ROBO2: variants seen among roughly 807,000 people sequenced by gnomAD.
The protein encoded by ROBO2 is roundabout guidance receptor 2, also known as roundabout homolog 2.
In ROBO2, 53 loss-of-function variants were observed where a neutral mutation model predicts 160.8. The observed-to-expected ratio is 0.33, with a 90% CI of 0.26 to 0.41. The LOEUF is 0.41. ROBO2 is among the 10% of genes least tolerant of loss of function. The pLI is 1.00. For missense variants in ROBO2, 1,577 were observed against 1,722.4 expected (o/e 0.92, Z 1.49); for synonymous variants, 664 against 611.7 (o/e 1.09, Z -1.26).
At chr3:77,646,531 C>T (rs1332055403) in exon 26 of ROBO2, 1 of 152,832 alleles carries the variant, frequency 6.5e-6, no homozygotes, top group Admixed American at 6.5e-5. Flanking sequence ...CTCTACTCCT[C>T]ATGACATGAA....
chr3:76,279,263 T>A (rs545307514), intron 2 of ROBO2, among the ~76,000 whole-genome samples: 7 of 151,832 alleles, frequency 4.6e-5, no homozygotes, highest in Non-Finnish European at 8.8e-5. Context: ...TAGGTAAGAT[T>A]TTTTTTAAAA....
intron 2 of ROBO2, among the ~76,000 whole-genome samples, chr3:75,954,425 T>C (rs1365499889): frequency 6.6e-6 from 1 of 151,826 alleles, no homozygotes; most frequent in Non-Finnish European, 1.5e-5. Flanking sequence ...TGAATGGGTC[T>C]CCTCTTTCTC....
intron 2 of ROBO2, among the ~76,000 whole-genome samples, chr3:76,200,722 C>A (rs1488786636): frequency 1.3e-5 from 2 of 152,086 alleles, no homozygotes; most frequent in Non-Finnish European, 2.9e-5. Context: ...AATGGAGGAC[C>A]AGATTATCCT....
chr3:76,771,448 GT>G (rs1316167159), intron 2 of ROBO2, among the ~76,000 whole-genome samples: 2 of 150,990 alleles, frequency 1.3e-5, no homozygotes, highest in Admixed American at 1.3e-4. Flanking sequence ...TTCTTCCTAT[GT>G]TTTAAATTCT....
chr3:77,277,940 T>A (rs1258387847), intron 2 of ROBO2, among the ~76,000 whole-genome samples: 1 of 142,026 alleles, frequency 7.0e-6, no homozygotes, highest in Non-Finnish European at 1.6e-5. Context: ...TAAAAACATT[T>A]CTTTTTCTCT....
At chr3:76,629,748 C>A (rs2089908773) in intron 2 of ROBO2, among the ~76,000 whole-genome samples, 3 of 152,146 alleles carry the variant, frequency 2.0e-5, no homozygotes, top group Admixed American at 1.3e-4. Context: ...TCACACCAGT[C>A]TTTAGTAAAT....
intron 2 of ROBO2, among the ~76,000 whole-genome samples, chr3:77,000,891 A>G (rs2061302706): frequency 6.6e-6 from 1 of 152,200 alleles, no homozygotes; most frequent in African/African-American, 2.4e-5. Flanking sequence ...ACATTTATAA[A>G]ATCTGAATAA....
At chr3:76,912,696 T>G (rs1483172568) in intron 2 of ROBO2, among the ~76,000 whole-genome samples, 1 of 152,186 alleles carries the variant, frequency 6.6e-6, no homozygotes, top group African/African-American at 2.4e-5. Flanking sequence ...AATTTCATAA[T>G]TGTTTCATAA....
At chr3:77,451,117 A>T (rs2081070571) in intron 2 of ROBO2, among the ~76,000 whole-genome samples, 1 of 152,138 alleles carries the variant, frequency 6.6e-6, no homozygotes, top group Non-Finnish European at 1.5e-5. Context: ...GAATCAGAAC[A>T]TACGCTATGT....
intron 1 of ROBO2, among the ~76,000 whole-genome samples, chr3:75,921,109 C>G (rs1947024894): frequency 6.6e-6 from 1 of 152,038 alleles, no homozygotes; most frequent in South Asian, 2.1e-4. Context: ...TTAGTTGAAG[C>G]AGTTTCTTCC....
chr3:76,834,062 T>TCTCTCTTTCTTTC (rs1553651248), intron 2 of ROBO2, among the ~76,000 whole-genome samples: 2 of 88,012 alleles, frequency 2.3e-5, no homozygotes, highest in African/African-American at 4.5e-5. Flanking sequence ...CCTTTCTTTC[T>TCTCTCTTTCTTTC]TTTCTTTCTT....
chr3:76,621,062 A>G (rs548750419), intron 2 of ROBO2, among the ~76,000 whole-genome samples: 1 of 152,174 alleles, frequency 6.6e-6, no homozygotes, highest in East Asian at 1.9e-4. Context: ...GGGACATACA[A>G]AAGTTTTAAT....
chr3:76,795,472 C>T lies in ROBO2; in HGVS notation c.110-302542C>T, dbSNP rs746872184. 3.9e-5 allele frequency among the ~76,000 whole-genome samples: 6 copies of T among 152,252 alleles called. No homozygotes were observed. In the East Asian group the frequency reaches 1.2e-3, roughly 29 times the overall value. On this transcript the variant is annotated intron_variant, in intron 2 of 26. Coordinates refer to the ROBO2 transcript ENST00000487694. ...GTTATCATTTTAACAATGTTCACAG[C>T]ATCATCACCAGAAGTAGATTCCATC...
At chr3:76,055,458 A>T (rs1012545320) in intron 2 of ROBO2, among the ~76,000 whole-genome samples, 3 of 152,174 alleles carry the variant, frequency 2.0e-5, no homozygotes, top group African/African-American at 7.2e-5. Flanking sequence ...AGTGAACATT[A>T]TACTCAATAG....
chr3:76,871,518 C>A (rs1022707726), intron 2 of ROBO2, among the ~76,000 whole-genome samples: 1 of 144,390 alleles, frequency 6.9e-6, no homozygotes, highest in Non-Finnish European at 1.5e-5. Flanking sequence ...CCCGCCACTG[C>A]ACTCCAGCCT....
At chr3:77,461,154 A>G (rs559311789) in intron 2 of ROBO2, among the ~76,000 whole-genome samples, 1 of 152,282 alleles carries the variant, frequency 6.6e-6, no homozygotes, top group East Asian at 1.9e-4. Context: ...CAATTTAATT[A>G]TTGGGCTGCT....
At chr3:76,147,978 A>T (rs962851498) in intron 2 of ROBO2, among the ~76,000 whole-genome samples, 2 of 152,046 alleles carry the variant, frequency 1.3e-5, no homozygotes, top group African/African-American at 4.8e-5. Context: ...TGGAACTGTT[A>T]TCTAGGGTCT....
intron 2 of ROBO2, among the ~76,000 whole-genome samples, chr3:76,625,992 A>G (rs1172062102): frequency 6.6e-6 from 1 of 152,216 alleles, no homozygotes; most frequent in Non-Finnish European, 1.5e-5. Flanking sequence ...TTATTGCAAT[A>G]GCCCAGTGTG....
At chr3:77,608,062 C>A in intron 21 of ROBO2, 108 bp downstream of exon 22, 1 of 1,004,150 alleles carries the variant, frequency 1.0e-6, no homozygotes, top group Non-Finnish European at 1.5e-6. Flanking sequence ...TGCCCCCCAC[C>A]ACCATGTTCA....
Sources: gnomAD v4.1 joint callset for allele counts (sites outside exome capture counted in the v4.1 genomes callset) on GRCh38, gnomAD v4.1.1 for gene constraint, MANE v1.5 for transcripts, NCBI Gene and HGNC (gene_info 2026-07-23, HGNC 2026-07-21) for gene names.